The following AKAP10 variants were observed in gnomAD, a reference collection of about 807,000 sequenced individuals.
AKAP10 encodes A-kinase anchor protein 10, mitochondrial.
Under a neutral mutation model 80.8 loss-of-function variants are expected in AKAP10, and 24 were observed. The ratio of observed to expected loss-of-function variants is 0.30; its 90% confidence interval spans 0.22 to 0.42. AKAP10 has a LOEUF of 0.42. AKAP10 is among the 10% of genes least tolerant of loss of function. The pLI is 1.00. For missense variants in AKAP10, 661 were observed against 794.9 expected (o/e 0.83, Z 2.03); for synonymous variants, 291 against 277.7 (o/e 1.05, Z -0.48).
intron 9 of AKAP10, among the ~76,000 whole-genome samples, chr17:19,932,183 G>A (rs144277635): frequency 6.0e-4 from 92 of 152,160 alleles, no homozygotes; most frequent in African/African-American, 2.1e-3. Context: ...GGGTGCAGTG[G>A]CTTACACCTG....
In AKAP10 at chr17:19,927,467, C is replaced by T. The variant is rs149941310; in HGVS notation, c.1642-2950G>A. Among the ~76,000 whole-genome samples, 387 of 152,268 alleles carry T rather than the reference C, an allele frequency of 2.5e-3. 1 individual carries two copies. The highest frequency in any genetic ancestry group is 8.8e-3 in the African/African-American group (365 of 41,564). ...ACATTTATCTAGAATATATAAAGGA[C>T]TCCTGAAACTCAATATAAAAAGGCA... On this transcript the variant is annotated intron_variant, in intron 10 of 14. Coordinates refer to ENST00000225737, the MANE Select transcript of AKAP10 (RefSeq NM_007202.4).
At chr17:19,959,463 T>G (rs2043323042) in intron 3 of AKAP10, among the ~76,000 whole-genome samples, 2 of 152,180 alleles carry the variant, frequency 1.3e-5, no homozygotes, top group Admixed American at 1.3e-4. Flanking sequence ...TAATTCCACT[T>G]GTAGGCACTT....
intron 1 of AKAP10, among the ~76,000 whole-genome samples, chr17:19,975,663 CTTAT>C (rs1368681267): frequency 2.0e-5 from 3 of 152,144 alleles, no homozygotes; most frequent in Non-Finnish European, 4.4e-5. Flanking sequence ...GATTTGTTTG[CTTAT>C]TTATTATCTG....
chr17:19,968,501 C>G (rs956204968), intron 1 of AKAP10, 40 bp from the exon 2 acceptor site: 1 of 1,526,780 alleles, frequency 6.5e-7, no homozygotes, highest in Non-Finnish European at 9.1e-7. Context: ...CTTTTGCAGT[C>G]AGAGATCCAT....
intron 3 of AKAP10, among the ~76,000 whole-genome samples, chr17:19,961,949 C>T (rs1474779064): frequency 6.6e-6 from 1 of 151,994 alleles, no homozygotes; most frequent in Admixed American, 6.6e-5. Flanking sequence ...GACCCTGTCT[C>T]TACAAAAAAT....
At chr17:19,975,825 C>T (rs1247657011) in intron 1 of AKAP10, among the ~76,000 whole-genome samples, 1 of 152,046 alleles carries the variant, frequency 6.6e-6, no homozygotes, top group Non-Finnish European at 1.5e-5. Flanking sequence ...GTGCAATATG[C>T]AGTTTGCCTC....
At chr17:19,974,362 A>G (rs1489517857) in intron 1 of AKAP10, among the ~76,000 whole-genome samples, 2 of 152,200 alleles carry the variant, frequency 1.3e-5, no homozygotes, top group East Asian at 1.9e-4. Context: ...TGCCCAACAC[A>G]AATTCGTAAA....
intron 4 of AKAP10, among the ~76,000 whole-genome samples, chr17:19,954,143 T>TA (rs1320287733): frequency 6.6e-6 from 1 of 151,982 alleles, no homozygotes; most frequent in African/African-American, 2.4e-5. Context: ...AAAATGGAAA[T>TA]AAGAGTAAAA....
rs761482819 is a variant in AKAP10 at position 19,958,386 on chromosome 17, T to G, written c.505A>C (p.Ile169Leu). The change falls in exon 4 of 15, where the codon ATA (isoleucine) becomes CTA (leucine). Residue 169 changes from isoleucine to leucine, a missense_variant. Coordinates refer to ENST00000225737, the MANE Select transcript of AKAP10 (RefSeq NM_007202.4). Reference sequence around the variant, plus strand: ...ACTGTGTTTAGACTGTGTGCTCTTATTCGCGACCAAGTTGTTGAATGAAAA... The same window carrying G: ...ACTGTGTTTAGACTGTGTGCTCTTAGTCGCGACCAAGTTGTTGAATGAAAA... ...ESFHSTTWSR[I>L]RAHSLNTVKQ... 1.2e-6 allele frequency: 2 copies of G among 1,614,236 alleles called. No individual in the cohort carries two copies. Among genetic ancestry groups the G allele is most frequent in the South Asian group, 2.2e-5 (2 of 91,088 alleles).
intron 1 of AKAP10, among the ~76,000 whole-genome samples, chr17:19,974,464 C>T (rs2043539965): frequency 6.6e-6 from 1 of 152,222 alleles, no homozygotes; most frequent in South Asian, 2.1e-4. Flanking sequence ...CAAGACAATT[C>T]TTCTTCCAAT....
chr17:19,923,321 G>A (rs947507336), intron 11 of AKAP10, among the ~76,000 whole-genome samples: 27 of 152,064 alleles, frequency 1.8e-4, no homozygotes, highest in Middle Eastern at 3.4e-3. Context: ...CAGGTAATCC[G>A]CCCGTCTCGG....
intron 12 of AKAP10, among the ~76,000 whole-genome samples, chr17:19,911,104 T>A (rs1393606501): frequency 1.3e-5 from 2 of 152,220 alleles, no homozygotes; most frequent in Non-Finnish European, 2.9e-5. Flanking sequence ...TCAATTTTTA[T>A]TATTACCTAA....
At chr17:19,917,579 A>T (rs1328130501) in intron 12 of AKAP10, among the ~76,000 whole-genome samples, 1 of 151,972 alleles carries the variant, frequency 6.6e-6, no homozygotes, top group South Asian at 2.1e-4. Context: ...GGGCTCCAAC[A>T]CTCCTTCCAT....
At chr17:19,957,383 T>C (rs1036910688) in intron 4 of AKAP10, among the ~76,000 whole-genome samples, 11 of 151,416 alleles carry the variant, frequency 7.3e-5, no homozygotes, top group African/African-American at 2.7e-4. Flanking sequence ...CTACTAAAAA[T>C]ACAAAAAAAT....
chr17:19,922,647 T>C (rs142017109), intron 11 of AKAP10, among the ~76,000 whole-genome samples: 3,350 of 152,314 alleles, frequency 0.022, 45 homozygotes, highest in Non-Finnish European at 0.033. Context: ...ATGCCTGTAA[T>C]AGCAACACTT....
At chr17:19,967,381 GATAA>G (rs2152419071) in intron 2 of AKAP10, among the ~76,000 whole-genome samples, 1 of 152,278 alleles carries the variant, frequency 6.6e-6, no homozygotes, top group South Asian at 2.1e-4. Flanking sequence ...CATACTTCTG[GATAA>G]ATGACAGAAA....
Position 19,958,127 on chromosome 17 carries a change from G to A in AKAP10, c.764C>T (p.Ala255Val). Reference protein sequence around the residue: ...AHSLRLEMARAGTHQVSMETQ... With the variant: ...AHSLRLEMARVGTHQVSMETQ... ...TTCCATGGAAACTTGGTGAGTTCCT[G>A]CTCTGGCCATTTCAAGACGGAGAGA... is the stretch of plus-strand genomic sequence containing the variant. The change falls in exon 4 of 15, where the codon GCA (alanine) becomes GTA (valine). Residue 255 changes from alanine (A) to valine (V), a missense_variant. Ala to Val is a moderately conservative substitution (Grantham distance 64, BLOSUM62 0). Coordinates refer to ENST00000225737, the MANE Select transcript of AKAP10 (RefSeq NM_007202.4). 4.3e-6 allele frequency: 7 copies of A among 1,614,130 alleles called. No homozygotes were observed. Among genetic ancestry groups the A allele is most frequent in the East Asian group, 2.2e-5 (1 of 44,876 alleles).
At chr17:19,951,726 T>C (rs931174418) in intron 4 of AKAP10, among the ~76,000 whole-genome samples, 2 of 152,014 alleles carry the variant, frequency 1.3e-5, no homozygotes, top group African/African-American at 4.8e-5. Flanking sequence ...CACCACTCCC[T>C]AATCTCAAGT....
At chr17:19,972,843 G>A (rs1237072083) in intron 1 of AKAP10, among the ~76,000 whole-genome samples, 1 of 152,162 alleles carries the variant, frequency 6.6e-6, no homozygotes, top group Non-Finnish European at 1.5e-5. Context: ...TTCCTATCCT[G>A]AGATCAGGAT....
Sources: gnomAD v4.1 joint callset for allele counts (sites outside exome capture counted in the v4.1 genomes callset) on GRCh38, gnomAD v4.1.1 for gene constraint, MANE v1.5 for transcripts, NCBI Gene and HGNC (gene_info 2026-07-23, HGNC 2026-07-21) for gene names.